SLC35D1: variants seen among roughly 807,000 people sequenced by gnomAD.
SLC35D1 encodes solute carrier family 35 member D1.
Under a neutral mutation model 46.7 loss-of-function variants are expected in SLC35D1, and 31 were observed. The ratio of observed to expected loss-of-function variants is 0.66; its 90% CI spans 0.50 to 0.90. SLC35D1 has a LOEUF of 0.90. Ranked by LOEUF, SLC35D1 falls within the 40% of genes least tolerant of loss-of-function variation. SLC35D1 has a pLI of 0.00. For missense variants in SLC35D1, 397 were observed against 426.2 expected (o/e 0.93, Z 0.60); for synonymous variants, 195 against 164.6 (o/e 1.18, Z -1.41).
At chr1:67,022,830 G>A (rs959892595) in intron 8 of SLC35D1, among the ~76,000 whole-genome samples, 1 of 152,198 alleles carries the variant, frequency 6.6e-6, no homozygotes, top group South Asian at 2.1e-4. Context: ...CCTCCCCATT[G>A]AGTCAATCTC....
rs576252869 is a variant in SLC35D1 at position 67,020,314 on chromosome 1, G to A, written c.876+55C>T. On this transcript the variant is annotated intron_variant, in intron 10 of 11. Coordinates refer to ENST00000235345, the MANE Select transcript of SLC35D1 (RefSeq NM_015139.3). The stretch of plus-strand genomic sequence containing the variant: ...GCCATCAACAGACTCTTATCTTAAA[G>A]GAACAATTTTCAAATAATGCAGGTA... 7.9e-4 allele frequency: 923 copies of A among 1,173,122 alleles called. 7 individuals are homozygous for A. Among genetic ancestry groups the A allele is most frequent in the Middle Eastern group, 2.1e-3 (11 of 5,202 alleles). The allele number at this position is 1,173,122 out of a possible 1,614,324, so 72.7% of individuals were successfully genotyped here.
At chr1:66,995,936 A>G (rs1036889878), downstream of SLC35D1, among the ~76,000 whole-genome samples, 6 of 152,246 alleles carry the variant, frequency 3.9e-5, no homozygotes, top group Non-Finnish European at 7.3e-5. Context: ...ACTCTTGATG[A>G]AACCCTCCTA....
chr1:66,981,762 G>GT, the SLC35D1 span: 660 of 1,566,402 alleles, frequency 4.2e-4, 6 homozygotes, highest in African/African-American at 8.2e-3. Context: ...TATAAAAATT[G>GT]TTTTATTAAT....
chr1:66,989,199 CTATT>C, the SLC35D1 span, among the ~76,000 whole-genome samples: 49 of 152,144 alleles, frequency 3.2e-4, no homozygotes, highest in African/African-American at 9.9e-4. Flanking sequence ...ATGAGCACTA[CTATT>C]TATTAGGTGG....
At chr1:66,988,327 ACT>A in the SLC35D1 span, 1 of 152,288 alleles carries the variant, frequency 6.6e-6, no homozygotes, top group Admixed American at 6.5e-5. Context: ...GTAAAAATTA[ACT>A]CTCTTCTTTA....
chr1:67,053,549 G>A (rs570684735), intron 1 of SLC35D1, among the ~76,000 whole-genome samples: 73 of 152,202 alleles, frequency 4.8e-4, no homozygotes, highest in African/African-American at 1.5e-3. Flanking sequence ...TTTCGGGGCG[G>A]TGCGCCCAGG....
At chr1:66,995,609 G>A (rs1667231522), downstream of SLC35D1, among the ~76,000 whole-genome samples, 1 of 152,010 alleles carries the variant, frequency 6.6e-6, no homozygotes, top group East Asian at 1.9e-4. Context: ...AAGACCCACA[G>A]AGATGAGGGG....
intron 7 of SLC35D1, among the ~76,000 whole-genome samples, chr1:67,046,551 T>C (rs1645252895): frequency 6.6e-6 from 1 of 152,158 alleles, no homozygotes; most frequent in African/African-American, 2.4e-5. Flanking sequence ...TGAGTCCTCA[T>C]ATAGGATACA....
the SLC35D1 span, among the ~76,000 whole-genome samples, chr1:66,973,596 ATTAC>A: frequency 1.3e-5 from 2 of 152,068 alleles, no homozygotes; most frequent in Non-Finnish European, 2.9e-5. Context: ...TAGCTTTATA[ATTAC>A]TTACAGATTT....
At chr1:67,037,319 G>GTT in intron 8 of SLC35D1, among the ~76,000 whole-genome samples, 2 of 152,068 alleles carry the variant, frequency 1.3e-5, no homozygotes, top group Middle Eastern at 6.8e-3. Flanking sequence ...AAAAATGTGG[G>GTT]TTTTTTTGTT....
chr1:66,998,006 G>C (rs190586835), downstream of SLC35D1, among the ~76,000 whole-genome samples: 70 of 151,740 alleles, frequency 4.6e-4, no homozygotes, highest in African/African-American at 1.5e-3. Flanking sequence ...CATTAGGACG[G>C]CTACAATCTG....
the SLC35D1 span, chr1:66,985,491 A>G: frequency 3.9e-5 from 38 of 983,652 alleles, no homozygotes; most frequent in Non-Finnish European, 4.5e-5. Flanking sequence ...GTATATGTAA[A>G]ATTGTTGACA....
chr1:67,054,106 C>A lies in SLC35D1; in HGVS notation c.-93G>T. 1 of 1,282,930 alleles carries A rather than the reference C, an allele frequency of 7.8e-7. No homozygotes were observed. The highest frequency in any genetic ancestry group is 1.1e-6 in the Non-Finnish European group (1 of 927,086). The allele number at this position is 1,282,930 out of a possible 1,614,324, so 79.5% of individuals were successfully genotyped here. On this transcript the variant is annotated 5_prime_UTR_variant, in exon 1 of 12. Transcript: ENST00000235345. ...AGGGGACTCCAGGAGTTGGGGACCG[C>A]AGACTAGGCCAGCTGCGCGCTCGCC... is the stretch of plus-strand genomic sequence containing the variant.
chr1:67,035,772 G>C (rs541104944), intron 8 of SLC35D1, among the ~76,000 whole-genome samples: 1 of 145,994 alleles, frequency 6.8e-6, no homozygotes, highest in Non-Finnish European at 1.5e-5. Flanking sequence ...AGTTCTTTAA[G>C]ATGTATCATT....
the SLC35D1 span, among the ~76,000 whole-genome samples, chr1:66,989,086 T>A: frequency 6.6e-6 from 1 of 152,150 alleles, no homozygotes. Flanking sequence ...CCCTAAGAAA[T>A]TTTGTCTTTT....
chr1:67,049,888 T>A, intron 5 of SLC35D1, 38 bp from the exon 6 acceptor site: 1 of 1,428,924 alleles, frequency 7.0e-7, no homozygotes. Context: ...CACATGACTT[T>A]ATTCCCACAC....
At chr1:66,991,769 A>G in the SLC35D1 span, among the ~76,000 whole-genome samples, 1 of 151,182 alleles carries the variant, frequency 6.6e-6, no homozygotes, top group Non-Finnish European at 1.5e-5. Flanking sequence ...TTTATTCAGA[A>G]TCCTCCCAAT....
intron 8 of SLC35D1, among the ~76,000 whole-genome samples, chr1:67,024,008 G>A (rs1318284427): frequency 1.3e-5 from 2 of 149,756 alleles, no homozygotes; most frequent in Non-Finnish European, 3.0e-5. Flanking sequence ...GCAGTGGCAC[G>A]AACTCGGCTC....
At chr1:66,975,983 C>CTT in the SLC35D1 span, among the ~76,000 whole-genome samples, 1 of 141,822 alleles carries the variant, frequency 7.1e-6, no homozygotes, top group Non-Finnish European at 1.6e-5. Flanking sequence ...ACTTCCAGGC[C>CTT]TTTTTTTTGT....
Sources: gnomAD v4.1 joint callset for allele counts (sites outside exome capture counted in the v4.1 genomes callset) on GRCh38, gnomAD v4.1.1 for gene constraint, MANE v1.5 for transcripts, NCBI Gene and HGNC (gene_info 2026-07-23, HGNC 2026-07-21) for gene names.